SNAP29: variants seen among roughly 807,000 people sequenced by gnomAD.
The protein encoded by SNAP29 is synaptosomal-associated protein 29.
A neutral mutation model predicts 27.9 loss-of-function variants in SNAP29; 13 were observed. That is an observed-to-expected ratio of 0.47 (90% CI 0.30 to 0.74). SNAP29 has a LOEUF of 0.74. Ranked by LOEUF, SNAP29 falls within the 30% of genes least tolerant of loss-of-function variation. SNAP29 has a pLI of 0.06. For synonymous variants in SNAP29, 119 were observed against 127.1 expected (o/e 0.94, Z 0.43); for missense variants, 368 against 336.5 (o/e 1.09, Z -0.73).
chr22:20,866,189 C>T (rs535996597), intron 1 of SNAP29, among the ~76,000 whole-genome samples: 3 of 152,320 alleles, frequency 2.0e-5, no homozygotes, highest in Admixed American at 6.5e-5. Context: ...TGCACACAGA[C>T]GGCGAGGGGC....
chr22:20,872,857 TCTCA>T (rs1430460170), intron 2 of SNAP29, among the ~76,000 whole-genome samples: 1 of 103,188 alleles, frequency 9.7e-6, no homozygotes, highest in African/African-American at 3.9e-5. Flanking sequence ...TGAGACAGAG[TCTCA>T]CTCTGTTGCC....
At chr22:20,886,557 C>G (rs1038527765) in intron 4 of SNAP29, among the ~76,000 whole-genome samples, 2 of 151,978 alleles carry the variant, frequency 1.3e-5, no homozygotes, top group African/African-American at 4.8e-5. Flanking sequence ...GATCCACCCA[C>G]CTCGGCCTCC....
At chr22:20,871,164 TATCTA>T (rs1928582345) in intron 2 of SNAP29, 1 of 153,450 alleles carries the variant, frequency 6.5e-6, no homozygotes, top group African/African-American at 2.4e-5. Context: ...AAATTTGTCA[TATCTA>T]ATCCAATTCG....
chr22:20,863,214 G>A (rs949576363), intron 1 of SNAP29, among the ~76,000 whole-genome samples: 1 of 152,200 alleles, frequency 6.6e-6, no homozygotes, highest in Non-Finnish European at 1.5e-5. Flanking sequence ...TCCCTTTGGT[G>A]TTGGGATGGG....
rs916145831 is a variant in SNAP29 at position 20,859,040 on chromosome 22, G to A, written c.-71G>A. 4.9e-6 allele frequency: 7 copies of A among 1,429,570 alleles called. No homozygotes were observed. The South Asian group carries it at 6.1e-5, about 12-fold the overall frequency. 88.6% of individuals were successfully genotyped at this position (1,429,570 alleles called of 1,614,324 possible). On this transcript the variant is annotated 5_prime_UTR_variant, in exon 1 of 5. Transcript: ENST00000215730. Reference sequence around the variant, plus strand: ...GACGACCGCGGGGTCGGCGGGCGGGGCGAGGCCCTGGACGGCGGCGGCAGT... The same window carrying A: ...GACGACCGCGGGGTCGGCGGGCGGGACGAGGCCCTGGACGGCGGCGGCAGT...
At chr22:20,884,950 T>G (rs1928978208) in intron 4 of SNAP29, among the ~76,000 whole-genome samples, 1 of 152,114 alleles carries the variant, frequency 6.6e-6, no homozygotes, top group Non-Finnish European at 1.5e-5. Context: ...TAATTTTGTA[T>G]TTTTAGTAGA....
chr22:20,860,808 A>G (rs1928296004), intron 1 of SNAP29, among the ~76,000 whole-genome samples: 1 of 152,192 alleles, frequency 6.6e-6, no homozygotes, highest in Non-Finnish European at 1.5e-5. Flanking sequence ...AACAATTTGT[A>G]AGGCTGAGGT....
intron 1 of SNAP29, among the ~76,000 whole-genome samples, chr22:20,864,066 G>A (rs984300883): frequency 6.6e-5 from 10 of 152,176 alleles, no homozygotes; most frequent in African/African-American, 2.4e-4. Flanking sequence ...CATCCTACTT[G>A]GACATGGTTT....
At chr22:20,884,909 G>A (rs1601655468) in intron 4 of SNAP29, among the ~76,000 whole-genome samples, 3 of 152,258 alleles carry the variant, frequency 2.0e-5, no homozygotes, top group Non-Finnish European at 4.4e-5. Context: ...CCGAGTAGCT[G>A]GAATTACAGA....
rs73162856 is a variant in SNAP29, at chr22:20,890,387, G to A, written c.*2551G>A. 8,830 of 398,552 alleles carry A rather than the reference G, an allele frequency of 0.022. 138 individuals are homozygous for A. The highest frequency in any genetic ancestry group is 0.027 in the Non-Finnish European group (6,013 of 226,064). The allele number at this position is 398,552 out of a possible 1,614,324, so 24.7% of individuals were successfully genotyped here. ...CAGACAGATTTTGATTTCCACAGTTGAGCTGGAAACAAACTGTGCCTTCAA... is the reference window on the plus strand; with the variant it reads ...CAGACAGATTTTGATTTCCACAGTTAAGCTGGAAACAAACTGTGCCTTCAA... On this transcript the variant is annotated 3_prime_UTR_variant, in exon 5 of 5. Coordinates refer to ENST00000215730, the MANE Select transcript of SNAP29 (RefSeq NM_004782.4).
intron 1 of SNAP29, among the ~76,000 whole-genome samples, chr22:20,867,927 C>T (rs1396719105): frequency 6.6e-6 from 1 of 152,154 alleles, no homozygotes; most frequent in East Asian, 1.9e-4. Context: ...GAGGACCTCC[C>T]TCCTAATGTG....
intron 2 of SNAP29, among the ~76,000 whole-genome samples, chr22:20,880,797 G>A (rs1229524366): frequency 2.0e-5 from 3 of 152,000 alleles, no homozygotes; most frequent in African/African-American, 7.3e-5. Flanking sequence ...CAAAATGCTG[G>A]GATTACAGGC....
intron 3 of SNAP29, among the ~76,000 whole-genome samples, chr22:20,882,644 G>A (rs185370719): frequency 1.3e-5 from 2 of 152,166 alleles, no homozygotes; most frequent in African/African-American, 4.8e-5. Flanking sequence ...TGAAAGGCAA[G>A]GGCTGGGAAA....
At position 20,875,969 on chromosome 22, in the gene SNAP29, A is replaced by C. The variant is rs11705255; in HGVS notation, c.435-5080A>C. On this transcript the variant is annotated intron_variant, in intron 2 of 4. Transcript: ENST00000215730. ...GAGGTCAGGAGATCGAGACCATCCTAGCTAACACGGTGAAACCCCGTCTCT... is the reference window on the plus strand; with the variant it reads ...GAGGTCAGGAGATCGAGACCATCCTCGCTAACACGGTGAAACCCCGTCTCT... Among the ~76,000 whole-genome samples the C allele has an allele frequency of 5.5e-4, 84 of 151,648 alleles. No homozygotes were observed. The East Asian group carries it at 0.012, about 22-fold the overall frequency.
intron 1 of SNAP29, among the ~76,000 whole-genome samples, chr22:20,867,338 G>T (rs994524769): frequency 1.3e-5 from 2 of 151,986 alleles, no homozygotes; most frequent in Admixed American, 6.6e-5. Context: ...TCTGCGGAGG[G>T]GGGTGTGGAC....
At chr22:20,870,707 T>A in intron 2 of SNAP29, 174 bp downstream of exon 2, 1 of 684,404 alleles carries the variant, frequency 1.5e-6, no homozygotes, top group South Asian at 1.6e-5. Context: ...TCTTCCCTGA[T>A]CCCATGTTCA....
At chr22:20,865,488 T>C (rs1383894230) in intron 1 of SNAP29, among the ~76,000 whole-genome samples, 1 of 152,200 alleles carries the variant, frequency 6.6e-6, no homozygotes, top group Non-Finnish European at 1.5e-5. Context: ...CACTCACAGC[T>C]GCCACATTGT....
At chr22:20,872,274 C>T (rs1454660256) in intron 2 of SNAP29, among the ~76,000 whole-genome samples, 1 of 151,740 alleles carries the variant, frequency 6.6e-6, no homozygotes. Flanking sequence ...GAGTTTCACC[C>T]TTGTTGCCCA....
chr22:20,861,039 C>G (rs891911926), intron 1 of SNAP29, among the ~76,000 whole-genome samples: 3 of 152,014 alleles, frequency 2.0e-5, no homozygotes, highest in Non-Finnish European at 2.9e-5. Flanking sequence ...GCTATCATTT[C>G]CCCTTGCTGT....
Sources: gnomAD v4.1 joint callset for allele counts (sites outside exome capture counted in the v4.1 genomes callset) on GRCh38, gnomAD v4.1.1 for gene constraint, MANE v1.5 for transcripts, NCBI Gene and HGNC (gene_info 2026-07-23, HGNC 2026-07-21) for gene names.